Variants in MAPK8IP3 observed in about 807,000 individuals in gnomAD.
MAPK8IP3 encodes the protein mitogen-activated protein kinase 8 interacting protein 3, also known as C-Jun-amino-terminal kinase-interacting protein 3.
Under a neutral mutation model 157.8 loss-of-function variants are expected in MAPK8IP3, and 49 were observed. The observed-to-expected ratio is 0.31, with a 90% CI of 0.25 to 0.39. The LOEUF (loss-of-function observed/expected upper bound fraction) is 0.39, where lower values mean the gene tolerates loss of function less well. Among genes scored for constraint, MAPK8IP3 ranks in the 10% least tolerant of loss-of-function variants. MAPK8IP3 has a pLI of 1.00. For synonymous variants in MAPK8IP3, 897 were observed against 777.7 expected, an observed-to-expected ratio of 1.15 and a Z score of -2.55; for missense variants, 1,478 against 1,889.4, an observed-to-expected ratio of 0.78 and a Z score of 4.04.
Position 1,766,719 on chromosome 16 carries a change from C to G in MAPK8IP3, c.2940-4C>G, listed in dbSNP as rs1438435892. ...CCCTCGCCCATCGCCGCTTCCTTCC[C>G]TAGGCTCTATGTGCACTCGGCTGTG... On this transcript the variant is annotated splice_polypyrimidine_tract_variant and splice_region_variant and intron_variant, in intron 23 of 31. Coordinates refer to ENST00000610761, the MANE Select transcript of MAPK8IP3 (RefSeq NM_001318852.2). The G allele has an allele frequency of 6.2e-7, 1 of 1,612,782 alleles. No homozygotes were observed. Among genetic ancestry groups the G allele is most frequent in the East Asian group, 2.2e-5 (1 of 44,872 alleles).
chr16:1,739,784 A>G (rs62652190), intron 4 of MAPK8IP3, among the ~76,000 whole-genome samples: 83,833 of 91,442 alleles, frequency 0.92, 38,498 homozygotes, highest in East Asian at 0.99. Flanking sequence ...GTCACCGTCC[A>G]TGTGAGCATC....
chr16:1,723,351 G>A (rs2038660639), intron 1 of MAPK8IP3, among the ~76,000 whole-genome samples: 2 of 152,074 alleles, frequency 1.3e-5, no homozygotes, highest in Admixed American at 1.3e-4. Context: ...AGGTTGCAGT[G>A]TATTTTTTAG....
intron 8 of MAPK8IP3, among the ~76,000 whole-genome samples, chr16:1,755,195 G>A (rs1014282336): frequency 1.3e-5 from 2 of 152,198 alleles, no homozygotes; most frequent in Non-Finnish European, 2.9e-5. Flanking sequence ...GAGCCATGGG[G>A]AATTCATCTA....
rs1161809995 is a variant in MAPK8IP3 at position 1,762,874 on chromosome 16, C to T, written c.1766C>T (p.Pro589Leu). Residue 589 changes from proline to leucine, a missense_variant, in exon 16 of 32, where the codon CCG (proline) becomes CTG (leucine). By Grantham distance (98) the Pro-to-Leu change is moderately conservative. Transcript: ENST00000610761. ...RLFSSSSSPP[P>L]AKRPYPSVNI... ...TTCAGCTCTTCCTCCAGCCCCCCTC[C>T]GGCCAAGCGCCCCTATCCCTCGGTG... The T allele has an allele frequency of 4.3e-6, 7 of 1,613,218 alleles. No individual in the cohort carries two copies. Among genetic ancestry groups the T allele is most frequent in the Non-Finnish European group, 5.9e-6 (7 of 1,179,948 alleles).
At chr16:1,734,099 C>G (rs1459741052) in intron 4 of MAPK8IP3, among the ~76,000 whole-genome samples, 5 of 152,234 alleles carry the variant, frequency 3.3e-5, no homozygotes, top group African/African-American at 1.2e-4. Flanking sequence ...ATGACTGGAT[C>G]CAGCCAGAAG....
chr16:1,717,435 C>A (rs1447137336), intron 1 of MAPK8IP3, among the ~76,000 whole-genome samples: 2 of 152,144 alleles, frequency 1.3e-5, no homozygotes, highest in East Asian at 3.9e-4. Context: ...GACTGAGGAA[C>A]GACACCCATG....
At chr16:1,760,647 C>CT in intron 12 of MAPK8IP3, 115 bp downstream of exon 12, 2 of 1,289,940 alleles carry the variant, frequency 1.6e-6, no homozygotes, top group South Asian at 3.1e-5. Context: ...CATAGCCTAC[C>CT]TACCTCCAGC....
chr16:1,768,705 G>A lies in MAPK8IP3; in HGVS notation c.3895G>A (p.Asp1299Asn), dbSNP rs776573064. 2 of 1,611,812 alleles carry A rather than the reference G, an allele frequency of 1.2e-6. No individual in the cohort carries two copies. Among genetic ancestry groups the A allele is most frequent in the Non-Finnish European group, 1.7e-6 (2 of 1,179,282 alleles). ...GEGYIDFRIG[D>N]GEDDETEEGA... ...TCACTCTGCTGCTTTGCCCGCAGGA[G>A]ACGGAGAGGACGACGAGACGGAGGA... Residue 1299 changes from aspartate (D) to asparagine (N), a missense_variant and splice_region_variant, in exon 32 of 32, where the codon GAC (aspartate) becomes AAC (asparagine). Asp to Asn is a conservative substitution (Grantham distance 23). Coordinates refer to ENST00000610761, the MANE Select transcript of MAPK8IP3 (RefSeq NM_001318852.2).
chr16:1,767,396 T>G (rs2575368), intron 26 of MAPK8IP3, 99 bp downstream of exon 26: 1,425,205 of 1,541,492 alleles, frequency 0.92, 659,108 homozygotes, highest in Admixed American at 0.97. Flanking sequence ...CCTACGTGGG[T>G]CCCATCTCCC....
Position 1,748,338 on chromosome 16 carries a change from A to G in MAPK8IP3, c.1089A>G (p.Thr363=). The G allele has an allele frequency of 1.2e-6, 2 of 1,613,530 alleles. No individual in the cohort carries two copies. The highest frequency in any genetic ancestry group is 8.5e-7 in the Non-Finnish European group (1 of 1,179,800). The part of the protein sequence containing the change: ...DMCPETRLDR[T]GSSPTQGIVN... ...GTCCAGAGACCCGCCTGGACCGCAC[A>G]GGAAGCAGGTACTGGCTCAGCCCAG... The change falls in exon 7 of 32, where the codon ACA becomes ACG. Residue 363 remains threonine, a synonymous_variant. Coordinates refer to ENST00000610761, the MANE Select transcript of MAPK8IP3 (RefSeq NM_001318852.2).
At position 1,767,916 on chromosome 16, in the gene MAPK8IP3, A is replaced by T. The variant is rs749473882; in HGVS notation, c.3521A>T (p.Glu1174Val). The T allele has an allele frequency of 1.4e-5, 23 of 1,610,770 alleles. No homozygotes were observed. The highest frequency in any genetic ancestry group is 1.8e-5 in the Non-Finnish European group (21 of 1,179,692). Residue 1174 changes from glutamate (E) to valine (V), a missense_variant and splice_region_variant, in exon 28 of 32, where the codon GAG becomes GTG. Around this residue, in one of 11 missense-constraint regions of MAPK8IP3, gnomAD observed 83 missense variants for 85.3 expected, o/e 0.97. Transcript: ENST00000610761. ...GTGGTCATCTCCATCCCCCTGACAGAGAGTGAGTGGCCTGCACACCTGCAG... is the reference window on the plus strand; with the variant it reads ...GTGGTCATCTCCATCCCCCTGACAGTGAGTGAGTGGCCTGCACACCTGCAG... ...NGVVISIPLT[E>V]TVVLHRGQLL...
intron 1 of MAPK8IP3, among the ~76,000 whole-genome samples, chr16:1,720,184 G>A (rs889450241): frequency 2.6e-5 from 4 of 152,110 alleles, no homozygotes; most frequent in African/African-American, 7.2e-5. Flanking sequence ...ACAGGCGCAC[G>A]CCACCACGCC....
intron 1 of MAPK8IP3, among the ~76,000 whole-genome samples, chr16:1,717,551 G>C (rs775811836): frequency 6.6e-6 from 1 of 152,196 alleles, no homozygotes; most frequent in African/African-American, 2.4e-5. Flanking sequence ...CACTAGACTC[G>C]GTTAGATAGG....
intron 2 of MAPK8IP3, among the ~76,000 whole-genome samples, chr16:1,728,313 T>G (rs2039037206): frequency 2.6e-5 from 4 of 152,176 alleles, no homozygotes; most frequent in Admixed American, 2.6e-4. Context: ...TCCCCAGCCC[T>G]CGGCGTGTGT....
chr16:1,766,688 G>A (rs777080422), intron 23 of MAPK8IP3, 35 bp from the exon 24 acceptor site: 2 of 1,612,572 alleles, frequency 1.2e-6, no homozygotes, highest in Non-Finnish European at 1.7e-6. Context: ...AGGGTCCTGG[G>A]TGAGCCCCTC....
rs374625110 is a variant in MAPK8IP3, at chr16:1,766,937, G to A, written c.3054G>A (p.Ala1018=). 436 of 1,595,752 alleles carry A rather than the reference G, an allele frequency of 2.7e-4. No homozygotes were observed. The African/African-American group carries it at 4.4e-3, about 16-fold the overall frequency. ...HVKGRVLVAL[A]DGTLAIFHRG... ...AAGGCCGTGTGCTGGTGGCTCTGGC[G>A]GACGGGACCCTGGCCATCTTCCACC... The change falls in exon 25 of 32, where the codon GCG becomes GCA. Residue 1018 remains alanine, a synonymous_variant. Coordinates refer to ENST00000610761, the MANE Select transcript of MAPK8IP3 (RefSeq NM_001318852.2).
chr16:1,733,907 T>C (rs1464677984), intron 4 of MAPK8IP3, among the ~76,000 whole-genome samples: 1 of 152,198 alleles, frequency 6.6e-6, no homozygotes, highest in Non-Finnish European at 1.5e-5. Flanking sequence ...GCCATTCACT[T>C]CTTCTGGGCA....
intron 13 of MAPK8IP3, among the ~76,000 whole-genome samples, chr16:1,761,847 T>C (rs1465601683): frequency 6.6e-6 from 1 of 152,366 alleles, no homozygotes; most frequent in East Asian, 1.9e-4. Flanking sequence ...ACACACAGTA[T>C]ATCCTACTAT....
chr16:1,754,261 T>G (rs2041467051), intron 8 of MAPK8IP3, among the ~76,000 whole-genome samples: 1 of 152,224 alleles, frequency 6.6e-6, no homozygotes, highest in African/African-American at 2.4e-5. Context: ...TACCAGCTAT[T>G]ACCGCACTAC....
Sources: allele counts gnomAD v4.1 joint callset (sites outside exome capture counted in the v4.1 genomes callset), GRCh38; gene constraint gnomAD v4.1.1; regional missense constraint gnomAD v4.1.1; transcripts MANE v1.5; gene names NCBI Gene and HGNC (gene_info 2026-07-23, HGNC 2026-07-21).